Variants in TOR1AIP1 observed in about 807,000 individuals in gnomAD.
TOR1AIP1 encodes the protein torsin-1A-interacting protein 1.
TOR1AIP1 carries 54 observed loss-of-function variants against 63.3 expected under a neutral mutation model. That is an observed-to-expected ratio of 0.85 (90% CI 0.69 to 1.07). TOR1AIP1 has a LOEUF of 1.07. Among genes scored for constraint, TOR1AIP1 ranks in the 50% least tolerant of loss-of-function variants. The pLI, the probability that TOR1AIP1 is intolerant of heterozygous loss-of-function variation, is 0.00. For synonymous variants in TOR1AIP1, 294 were observed against 273.5 expected (o/e 1.07, Z -0.74); for missense variants, 736 against 715.0 (o/e 1.03, Z -0.33).
chr1:179,902,173 GCAC>G (rs1171759051), intron 5 of TOR1AIP1, among the ~76,000 whole-genome samples: 1 of 150,940 alleles, frequency 6.6e-6, no homozygotes. Flanking sequence ...TTACAGGTGC[GCAC>G]CACCACATCT....
rs1648403384 is a variant in TOR1AIP1 at position 179,900,114 on chromosome 1, T to G, written c.611-12T>G. ...ATATGTTTAATATTTGATGTATGCT[T>G]TTTTCTTCTAGAAGCCACCAGTGTC... On this transcript the variant is annotated splice_polypyrimidine_tract_variant and intron_variant, in intron 3 of 9. Transcript: ENST00000606911. 6.2e-7 allele frequency: 1 copy of G among 1,601,952 alleles called. No homozygotes were observed. Among genetic ancestry groups the G allele is most frequent in the Non-Finnish European group, 8.5e-7 (1 of 1,172,442 alleles).
At chr1:179,886,031 A>G (rs970598911) in intron 2 of TOR1AIP1, among the ~76,000 whole-genome samples, 3 of 152,174 alleles carry the variant, frequency 2.0e-5, no homozygotes, top group Admixed American at 1.3e-4. Context: ...ATCAGCCACC[A>G]CGCCTGGCCT....
At chr1:179,900,540 G>A (rs1027982695) in intron 4 of TOR1AIP1, 3 of 152,592 alleles carry the variant, frequency 2.0e-5, no homozygotes, top group African/African-American at 7.3e-5. Context: ...CTCCAGCCTG[G>A]GCAACCTAGT....
At position 179,894,315 on chromosome 1, in the gene TOR1AIP1, T is replaced by G. The variant is rs1648197976; in HGVS notation, c.610+4946T>G. Among the ~76,000 whole-genome samples the G allele has an allele frequency of 4.0e-5, 6 of 149,060 alleles. No homozygotes were observed. The South Asian group carries it at 1.1e-3, about 27-fold the overall frequency. ...AATGGTCATTTGTTTGTTGTCAGAG[T>G]AAATTCAGGAGTTATATACTTGCTC... On this transcript the variant is annotated intron_variant, in intron 3 of 9. Coordinates refer to ENST00000606911, the MANE Select transcript of TOR1AIP1 (RefSeq NM_015602.4).
chr1:179,894,190 G>A (rs1030785783), intron 3 of TOR1AIP1, among the ~76,000 whole-genome samples: 12 of 150,624 alleles, frequency 8.0e-5, no homozygotes, highest in Non-Finnish European at 1.5e-4. Context: ...GGCAGAGCTT[G>A]CAGTGAGCCG....
At chr1:179,894,122 G>T (rs1384717097) in intron 3 of TOR1AIP1, among the ~76,000 whole-genome samples, 1 of 151,698 alleles carries the variant, frequency 6.6e-6, no homozygotes, top group Non-Finnish European at 1.5e-5. Flanking sequence ...GCAGTGGCGG[G>T]CACCTGTAGT....
Position 179,882,583 on chromosome 1 carries a change from G to A in TOR1AIP1, c.81G>A (p.Glu27=), listed in dbSNP as rs755857967. Residue 27 remains glutamate (E), a synonymous_variant, in exon 1 of 10, where the codon GAG becomes GAA. Coordinates refer to ENST00000606911, the MANE Select transcript of TOR1AIP1 (RefSeq NM_015602.4). ...TCACCCCCAGGGCCCCCATCCGAGAGGGAAGGGGCCGGCTCGCCCCTCAAA... is the reference window on the plus strand; with the variant it reads ...TCACCCCCAGGGCCCCCATCCGAGAAGGAAGGGGCCGGCTCGCCCCTCAAA... ...VYVTPRAPIR[E]GRGRLAPQNG... is the part of the protein sequence containing the mutation. The A allele has an allele frequency of 1.1e-5, 17 of 1,521,428 alleles. No homozygotes were observed. Among genetic ancestry groups the A allele is most frequent in the Admixed American group, 9.0e-5 (4 of 44,428 alleles). The allele number at this position is 1,521,428 out of a possible 1,614,324, so 94.2% of individuals were successfully genotyped here. A position where few individuals can be genotyped will look rare whatever the true frequency, so the allele number is the denominator to read the frequency against.
chr1:179,896,800 T>C (rs941456147), intron 3 of TOR1AIP1, among the ~76,000 whole-genome samples: 1 of 152,312 alleles, frequency 6.6e-6, no homozygotes, highest in African/African-American at 2.4e-5. Flanking sequence ...GACAATACTC[T>C]CACACTAGCC....
intron 2 of TOR1AIP1, chr1:179,887,821 T>A (rs1303462841): frequency 6.6e-6 from 1 of 152,244 alleles, no homozygotes; most frequent in Non-Finnish European, 1.5e-5. Flanking sequence ...GAACATTTGC[T>A]TCTCTAGCTG....
At chr1:179,899,987 C>A in intron 3 of TOR1AIP1, 139 bp from the exon 4 acceptor site, 1 of 590,098 alleles carries the variant, frequency 1.7e-6, no homozygotes. Context: ...TTTAATGTGT[C>A]CTCATGTTCA....
Position 179,889,341 on chromosome 1 carries a change from T to A in TOR1AIP1, c.582T>A (p.Arg194=), listed in dbSNP as rs767385831. 1 of 1,608,484 alleles carries A rather than the reference T, an allele frequency of 6.2e-7. No individual in the cohort carries two copies. Among genetic ancestry groups the A allele is most frequent in the Non-Finnish European group, 8.5e-7 (1 of 1,176,006 alleles). ...PVSEDLVIRL[R]RPPLRYPRYE... ...GTGAAGATCTTGTAATCAGGTTACG[T>A]CGACCCCCTCTAAGATACCCAAGAT... The change falls in exon 3 of 10, where the codon CGT becomes CGA. Residue 194 remains arginine (R), a synonymous_variant. Transcript: ENST00000606911.
At chr1:179,908,804 A>G in intron 8 of TOR1AIP1, 131 bp downstream of exon 8, 2 of 724,892 alleles carry the variant, frequency 2.8e-6, no homozygotes, top group South Asian at 3.6e-5. Context: ...AGCTATGATT[A>G]CTAGTTTAGT....
At chr1:179,905,910 A>G (rs1390005651) in intron 6 of TOR1AIP1, among the ~76,000 whole-genome samples, 4 of 151,884 alleles carry the variant, frequency 2.6e-5, no homozygotes, top group Non-Finnish European at 1.5e-5. Context: ...CTGGGATTGC[A>G]CCACTGCACT....
At chr1:179,915,944 G>A (rs1322105130) in intron 9 of TOR1AIP1, among the ~76,000 whole-genome samples, 2 of 152,066 alleles carry the variant, frequency 1.3e-5, no homozygotes, top group African/African-American at 2.4e-5. Flanking sequence ...GTGCTAATTC[G>A]CCTTGTAATT....
intron 8 of TOR1AIP1, among the ~76,000 whole-genome samples, chr1:179,910,809 A>T (rs970837539): frequency 1.3e-5 from 2 of 152,222 alleles, no homozygotes; most frequent in African/African-American, 4.8e-5. Flanking sequence ...AATTAATATC[A>T]GATAAATGAC....
At chr1:179,903,026 C>T (rs1442138230) in intron 5 of TOR1AIP1, among the ~76,000 whole-genome samples, 1 of 151,606 alleles carries the variant, frequency 6.6e-6, no homozygotes, top group Non-Finnish European at 1.5e-5. Context: ...AAAATATGGG[C>T]ACTTCACCTT....
Position 179,882,809 on chromosome 1 carries a change from G to C in TOR1AIP1, c.307G>C (p.Ala103Pro), listed in dbSNP as rs1466360635. ...TGCGAAAGAGGAAGTGAGAGAAAGC[G>C]CGTACTACCTTCGGTCTAGGCAGCG... ...DSAKEEVRES[A>P]YYLRSRQRRQ... Residue 103 changes from alanine (A) to proline (P), a missense_variant, in exon 1 of 10, where the codon GCG (alanine) becomes CCG (proline). Physicochemically the swap from Ala to Pro is conservative, Grantham distance 27. Transcript: ENST00000606911. The C allele has an allele frequency of 6.2e-7, 1 of 1,614,202 alleles. No individual in the cohort carries two copies. The highest frequency in any genetic ancestry group is 2.2e-5 in the East Asian group (1 of 44,878).
intron 6 of TOR1AIP1, among the ~76,000 whole-genome samples, chr1:179,907,593 TTATATATATATATA>T (rs55752745): frequency 3.2e-5 from 2 of 63,268 alleles, no homozygotes; most frequent in South Asian, 7.4e-4. Flanking sequence ...CACACACACT[TTATATATATATATA>T]TATATATATA....
At position 179,917,622 on chromosome 1, in the gene TOR1AIP1, T is replaced by C; in HGVS notation, c.1135T>C (p.Tyr379His). The change falls in exon 10 of 10, where the codon TAC becomes CAC. Residue 379 changes from tyrosine to histidine, a missense_variant. This residue lies in a region of TOR1AIP1 where 272 missense variants were observed against 344.1 expected (regional missense o/e 0.79). Coordinates refer to ENST00000606911, the MANE Select transcript of TOR1AIP1 (RefSeq NM_015602.4). ...CCAGATGAATCAACTTAAGAATAAGTACCAAGGTCAAGATGAGAAGCTGTG... is the reference window on the plus strand; with the variant it reads ...CCAGATGAATCAACTTAAGAATAAGCACCAAGGTCAAGATGAGAAGCTGTG... ...QNQMNQLKNK[Y>H]QGQDEKLWKR... 1 of 1,614,126 alleles carries C rather than the reference T, an allele frequency of 6.2e-7. No individual in the cohort carries two copies. Among genetic ancestry groups the C allele is most frequent in the Non-Finnish European group, 8.5e-7 (1 of 1,180,028 alleles).
Sources: allele counts gnomAD v4.1 joint callset (sites outside exome capture counted in the v4.1 genomes callset), GRCh38; gene constraint gnomAD v4.1.1; regional missense constraint gnomAD v4.1.1; transcripts MANE v1.5; gene names NCBI Gene and HGNC (gene_info 2026-07-23, HGNC 2026-07-21).